Variants in AGT observed in about 807,000 individuals in gnomAD.
AGT encodes the protein angiotensinogen.
In AGT, 26 loss-of-function variants were observed where a neutral mutation model predicts 28.1. The ratio of observed to expected loss-of-function variants is 0.92; its 90% CI spans 0.68 to 1.28. The LOEUF (loss-of-function observed/expected upper bound fraction) is 1.28, where lower values mean the gene tolerates loss of function less well. AGT is among the 50% of genes most tolerant of loss of function. The pLI is 0.00. For synonymous variants in AGT, 259 were observed against 259.6 expected (o/e 1.00, Z 0.02); for missense variants, 596 against 592.3 (o/e 1.01, Z -0.06).
chr1:230,715,883 G>A (rs1462547460), upstream of AGT, among the ~76,000 whole-genome samples: 1 of 152,124 alleles, frequency 6.6e-6, no homozygotes, highest in Non-Finnish European at 1.5e-5. Context: ...TCCTGCCTCG[G>A]GCCCTTGGAA....
In AGT at chr1:230,710,976, T is replaced by C; in HGVS notation, c.-30-123A>G. Reference sequence around the variant, plus strand: ...ATTTAGCCCAGAATAAATCCATTCATGTCTACAAAAAAAAGAAGAAATGGA... The same window carrying C: ...ATTTAGCCCAGAATAAATCCATTCACGTCTACAAAAAAAAGAAGAAATGGA... On this transcript the variant is annotated intron_variant, in intron 1 of 4. Coordinates refer to ENST00000366667, the MANE Select transcript of AGT (RefSeq NM_001384479.1). The C allele has an allele frequency of 3.9e-6, 5 of 1,272,548 alleles. No individual in the cohort carries two copies. The South Asian group carries it at 5.4e-5, about 14-fold the overall frequency. 78.8% of individuals were successfully genotyped at this position (1,272,548 alleles called of 1,614,324 possible). A position where few individuals can be genotyped will look rare whatever the true frequency, so the allele number is the denominator to read the frequency against.
chr1:230,719,383 T>TTTTTTATTATTATTATTATTATTATTA (rs1553314955), upstream of AGT, among the ~76,000 whole-genome samples: 1 of 147,730 alleles, frequency 6.8e-6, no homozygotes, highest in Non-Finnish European at 1.5e-5. Flanking sequence ...CTTTCTATTT[T>TTTTTTATTATTATTATTATTATTATTA]TTATTATTAT....
At chr1:230,730,490 G>A (rs780545710) in intron 1 of AGT, among the ~76,000 whole-genome samples, 5 of 152,062 alleles carry the variant, frequency 3.3e-5, no homozygotes, top group East Asian at 3.9e-4. Context: ...CTTGAGGCTC[G>A]CTTTGGGTTT....
At chr1:230,718,722 C>CTTTTTTTTTTTTTTTTTTTTT (rs1228887131), upstream of AGT, among the ~76,000 whole-genome samples, 8 of 118,494 alleles carry the variant, frequency 6.8e-5, no homozygotes, top group African/African-American at 2.8e-4. Context: ...TTCCACACCG[C>CTTTTTTTTTTTTTTTTTTTTT]TTTTTTTTTT....
chr1:230,725,402 T>C (rs1663922402), intron 1 of AGT, among the ~76,000 whole-genome samples: 2 of 152,212 alleles, frequency 1.3e-5, no homozygotes, highest in African/African-American at 4.8e-5. Context: ...TTTCCAAGTC[T>C]GTTATCTCCA....
At chr1:230,736,955 T>C (rs999007117) in intron 1 of AGT, among the ~76,000 whole-genome samples, 5 of 152,156 alleles carry the variant, frequency 3.3e-5, no homozygotes, top group African/African-American at 1.2e-4. Flanking sequence ...CTGTTCTCCT[T>C]GGGCTGAGAG....
chr1:230,744,510 C>A (rs555326451), intron 1 of AGT, among the ~76,000 whole-genome samples: 1 of 152,132 alleles, frequency 6.6e-6, no homozygotes, highest in Non-Finnish European at 1.5e-5. Context: ...CACTCCCTCC[C>A]GCAGACATTC....
chr1:230,728,173 A>G (rs890619840), intron 1 of AGT, among the ~76,000 whole-genome samples: 1 of 152,220 alleles, frequency 6.6e-6, no homozygotes, highest in Non-Finnish European at 1.5e-5. Flanking sequence ...TCAGAAATAC[A>G]AAAGTCTGAA....
intron 1 of AGT, among the ~76,000 whole-genome samples, chr1:230,720,330 T>C (rs1194396939): frequency 6.6e-6 from 1 of 152,220 alleles, no homozygotes; most frequent in Non-Finnish European, 1.5e-5. Flanking sequence ...TGTTAGTTAC[T>C]GACTTCTTTA....
At chr1:230,739,908 T>C (rs930571607) in intron 1 of AGT, among the ~76,000 whole-genome samples, 1 of 152,046 alleles carries the variant, frequency 6.6e-6, no homozygotes, top group Non-Finnish European at 1.5e-5. Context: ...AAGAAAGAAT[T>C]CAGGACGAGT....
intron 1 of AGT, among the ~76,000 whole-genome samples, chr1:230,738,857 TA>T (rs1664195613): frequency 6.6e-6 from 1 of 152,216 alleles, no homozygotes; most frequent in Non-Finnish European, 1.5e-5. Context: ...TATTTTAAAT[TA>T]AATTATTTTA....
At position 230,703,094 on chromosome 1, in the gene AGT, G is replaced by A; in HGVS notation, c.*47C>T. The A allele has an allele frequency of 6.2e-7, 1 of 1,602,426 alleles. No homozygotes were observed. The highest frequency in any genetic ancestry group is 1.1e-5 in the South Asian group (1 of 90,786). On this transcript the variant is annotated 3_prime_UTR_variant, in exon 5 of 5. Transcript: ENST00000366667. ...TCTGCTGCTGGCCTTTGCCTCAAAG[G>A]CCAGGGGCAGAGGCCTTGCCAGGCA...
intron 2 of AGT, 88 bp downstream of exon 2, chr1:230,709,907 G>A: frequency 1.3e-6 from 2 of 1,583,000 alleles, no homozygotes; most frequent in Non-Finnish European, 1.7e-6. Flanking sequence ...GCTGCCCCCT[G>A]CCCATCTCCA....
chr1:230,705,070 G>A (rs539645558), intron 3 of AGT, among the ~76,000 whole-genome samples: 260 of 152,248 alleles, frequency 1.7e-3, no homozygotes, highest in Admixed American at 2.7e-3. Context: ...CGAGGACATC[G>A]TGGTGGTTGC....
At position 230,710,159 on chromosome 1, in the gene AGT, G is replaced by A; in HGVS notation, c.665C>T (p.Thr222Ile). The change falls in exon 2 of 5, where the codon ACC (threonine) becomes ATC (isoleucine). Residue 222 changes from threonine (T) to isoleucine (I), a missense_variant. Transcript: ENST00000366667. ...CAGAGAGCGTGGGAGGACCACAGGG[G>A]TATAGAGAGCCAGGCCCTGCACAAA... is the stretch of plus-strand genomic sequence containing the variant. ...QPFVQGLALY[T>I]PVVLPRSLDF... is the part of the protein sequence containing the mutation. The A allele has an allele frequency of 6.2e-7, 1 of 1,614,136 alleles. No individual in the cohort carries two copies. The highest frequency in any genetic ancestry group is 1.3e-5 in the African/African-American group (1 of 75,052).
At chr1:230,741,199 G>A (rs750251500) in intron 1 of AGT, among the ~76,000 whole-genome samples, 3 of 152,170 alleles carry the variant, frequency 2.0e-5, no homozygotes, top group Non-Finnish European at 4.4e-5. Flanking sequence ...TCTCAGGGAC[G>A]GAAGTACAAT....
In AGT at chr1:230,710,456, G is replaced by T; in HGVS notation, c.368C>A (p.Thr123Asn). 3.7e-6 allele frequency: 6 copies of T among 1,614,232 alleles called. No homozygotes were observed. Among genetic ancestry groups the T allele is most frequent in the Non-Finnish European group, 4.2e-6 (5 of 1,180,040 alleles). Residue 123 changes from threonine (T) to asparagine (N), a missense_variant, in exon 2 of 5, where the codon ACC becomes AAC. Thr to Asn is a moderately conservative substitution (Grantham distance 65, BLOSUM62 0). Coordinates refer to ENST00000366667, the MANE Select transcript of AGT (RefSeq NM_001384479.1). ...AAAGACAGCCGTTGGGGAGAGGACG[G>T]TGGCCCCATGGACCACGCCCCATAG... ...SELWGVVHGA[T>N]VLSPTAVFGT...
At chr1:230,738,668 G>A (rs764372893) in intron 1 of AGT, among the ~76,000 whole-genome samples, 7 of 152,110 alleles carry the variant, frequency 4.6e-5, no homozygotes, top group East Asian at 1.9e-4. Context: ...GGGAGGATAC[G>A]TCATTTATAA....
At chr1:230,745,249 G>T (rs577853594) in intron 1 of AGT, among the ~76,000 whole-genome samples, 5 of 152,274 alleles carry the variant, frequency 3.3e-5, no homozygotes, top group Admixed American at 1.3e-4. Context: ...GTGCAGAGAG[G>T]ATAGGGGAAA....
Sources: gnomAD v4.1 joint callset for allele counts (sites outside exome capture counted in the v4.1 genomes callset) on GRCh38, gnomAD v4.1.1 for gene constraint, MANE v1.5 for transcripts, NCBI Gene and HGNC (gene_info 2026-07-23, HGNC 2026-07-21) for gene names.